Variants in NUP62 observed in about 807,000 individuals in gnomAD.
The protein encoded by NUP62 is nuclear pore glycoprotein p62.
For missense variants in NUP62, 647 were observed against 689.4 expected, an observed-to-expected ratio of 0.94 and a Z score of 0.69; for synonymous variants, 305 against 303.4, an observed-to-expected ratio of 1.01 and a Z score of -0.05.
rs1286386360 is a variant in NUP62, at chr19:49,929,383, C to T, written c.-257G>A. 6.5e-6 allele frequency: 1 copy of T among 154,184 alleles called. No individual in the cohort carries two copies. Among genetic ancestry groups the T allele is most frequent in the African/African-American group, 2.4e-5 (1 of 41,498 alleles). The allele number at this position is 154,184 out of a possible 1,614,324, so 9.6% of individuals were successfully genotyped here. A position where few individuals can be genotyped will look rare whatever the true frequency, so the allele number is the denominator to read the frequency against. On this transcript the variant is annotated 5_prime_UTR_variant, in exon 1 of 3. Coordinates refer to ENST00000352066, the MANE Select transcript of NUP62 (RefSeq NM_016553.5). ...TTCAGCCGAGGCCGCCGCCGCCTCT[C>T]CTTGCTGCAGCCATGGAGTGAGTAA...
At position 49,921,790 on chromosome 19, in the gene NUP62, T is replaced by G. The variant is rs2075771365; in HGVS notation, c.-78+5904A>C. Among the ~76,000 whole-genome samples the G allele has an allele frequency of 6.6e-6, 1 of 152,164 alleles. No individual in the cohort carries two copies. Among genetic ancestry groups the G allele is most frequent in the African/African-American group, 2.4e-5 (1 of 41,428 alleles). ...CGACCATGACCATCCATCCTATGAG[T>G]GCTGGCTGGGCTCAAGCCCGGGTAC... On this transcript the variant is annotated intron_variant, in intron 2 of 2. Coordinates refer to ENST00000352066, the MANE Select transcript of NUP62 (RefSeq NM_016553.5). This position sits in a 1 kb window ranked among gnomAD's most constrained non-coding sequence, Gnocchi z 5.4.
chr19:49,907,599 T>A lies in NUP62; in HGVS notation c.*640A>T, dbSNP rs1292571966. 2.5e-6 allele frequency: 1 copy of A among 407,516 alleles called. No individual in the cohort carries two copies. Among genetic ancestry groups the A allele is most frequent in the Admixed American group, 3.2e-5 (1 of 30,838 alleles). 25.2% of individuals were successfully genotyped at this position (407,516 alleles called of 1,614,324 possible). ...TTGCCTAGGCTGGAGTGCAGTGGTG[T>A]GATCTTGGTTCACTGCAACACCTCC... On this transcript the variant is annotated 3_prime_UTR_variant, in exon 3 of 3. Coordinates refer to ENST00000352066, the MANE Select transcript of NUP62 (RefSeq NM_016553.5).
At position 49,908,149 on chromosome 19, in the gene NUP62, G is replaced by GT; in HGVS notation, c.*89dup. On this transcript the variant is annotated 3_prime_UTR_variant, in exon 3 of 3. Coordinates refer to ENST00000352066, the MANE Select transcript of NUP62 (RefSeq NM_016553.5). ...GTGAAAGAAAGAAACAAACAAACAA[G>GT]TATCTTGCCACAACCCCAAACTACA... 6.5e-7 allele frequency: 1 copy of GT among 1,546,162 alleles called. No homozygotes were observed. Among genetic ancestry groups the GT allele is most frequent in the Non-Finnish European group, 8.7e-7 (1 of 1,150,086 alleles).
At chr19:49,924,072 G>A (rs907525193) in intron 2 of NUP62, among the ~76,000 whole-genome samples, 1 of 152,218 alleles carries the variant, frequency 6.6e-6, no homozygotes, top group African/African-American at 2.4e-5. Flanking sequence ...GGAATCGATA[G>A]CGTCTGGCAA....
rs773485886 is a variant in NUP62, at chr19:49,909,706, G to C, written c.102C>G (p.Phe34Leu). The C allele has an allele frequency of 6.2e-7, 1 of 1,614,056 alleles. No individual in the cohort carries two copies. The highest frequency in any genetic ancestry group is 8.5e-7 in the Non-Finnish European group (1 of 1,180,050). ...TAAACCCTCCAGTGCCAGAGGTGGA[G>C]AAAGAAAACCCTGTAGCAGGTGTGG... The part of the protein sequence containing the change: ...ATTTPATGFS[F>L]STSGTGGFNF... Residue 34 changes from phenylalanine to leucine, a missense_variant, in exon 3 of 3, where the codon TTC becomes TTG. By Grantham distance (22) the Phe-to-Leu change is conservative (BLOSUM62 0). Coordinates refer to ENST00000352066, the MANE Select transcript of NUP62 (RefSeq NM_016553.5).
Position 49,909,057 on chromosome 19 carries a change from C to A in NUP62, c.751G>T (p.Ala251Ser). 1 of 1,612,946 alleles carries A rather than the reference C, an allele frequency of 6.2e-7. No homozygotes were observed. The highest frequency in any genetic ancestry group is 8.5e-7 in the Non-Finnish European group (1 of 1,180,026). Residue 251 changes from alanine to serine, a missense_variant, in exon 3 of 3, where the codon GCT becomes TCT. Physicochemically the swap from Ala to Ser is moderately conservative, Grantham distance 99. Transcript: ENST00000352066. ...TTTAAGCTGAAGCCCTGTGTCCCAG[C>A]AGTGGGGGCGCCCGCTGTGGTCACA... is the stretch of plus-strand genomic sequence containing the variant. Reference protein sequence around the residue: ...TPVTTAGAPTAGTQGFSLKAP... With the variant: ...TPVTTAGAPTSGTQGFSLKAP...
chr19:49,911,334 G>C (rs1054585290), intron 2 of NUP62: 1 of 152,312 alleles, frequency 6.6e-6, no homozygotes, highest in African/African-American at 2.4e-5. Flanking sequence ...GGCAGAAGCA[G>C]CTCTAAAAGC....
intron 2 of NUP62, chr19:49,913,185 C>T (rs1047441016): frequency 6.6e-6 from 1 of 152,476 alleles, no homozygotes; most frequent in African/African-American, 2.4e-5. Context: ...GAGGCCCACA[C>T]AGCAGACATG....
chr19:49,908,725 C>G lies in NUP62; in HGVS notation c.1083G>C (p.Trp361Cys), dbSNP rs1204769078. The G allele has an allele frequency of 6.2e-7, 1 of 1,613,212 alleles. No individual in the cohort carries two copies. Among genetic ancestry groups the G allele is most frequent in the African/African-American group, 1.3e-5 (1 of 75,050 alleles). The change falls in exon 3 of 3, where the codon TGG becomes TGC. Residue 361 changes from tryptophan (W) to cysteine (C), a missense_variant. Physicochemically the swap from Trp to Cys is radical, Grantham distance 215. Transcript: ENST00000352066. Reference protein sequence around the residue: ...FLQQATQVNAWDRTLIENGEK... With the variant: ...FLQQATQVNACDRTLIENGEK... ...CTCCATTCTCGATCAGCGTGCGGTCCCAGGCGTTGACCTGGGTGGCCTGCT... is the reference window on the plus strand; with the variant it reads ...CTCCATTCTCGATCAGCGTGCGGTCGCAGGCGTTGACCTGGGTGGCCTGCT...
intron 2 of NUP62, among the ~76,000 whole-genome samples, chr19:49,923,969 G>A (rs990709430): frequency 3.9e-5 from 6 of 152,274 alleles, no homozygotes; most frequent in African/African-American, 1.4e-4. Context: ...AAAACTCGGA[G>A]CCTTTTCCAT....
chr19:49,916,326 A>G (rs1310325058), intron 2 of NUP62, among the ~76,000 whole-genome samples: 1 of 149,540 alleles, frequency 6.7e-6, no homozygotes, highest in Non-Finnish European at 1.5e-5. Context: ...GTTCGAGACT[A>G]GCCTGGCCAA....
intron 2 of NUP62, among the ~76,000 whole-genome samples, chr19:49,925,895 T>G (rs1374756899): frequency 6.6e-6 from 1 of 152,092 alleles, no homozygotes; most frequent in Admixed American, 6.6e-5. Flanking sequence ...CTACAATTAT[T>G]CCAAAATAAA....
chr19:49,926,073 A>G (rs2075879240), intron 2 of NUP62, among the ~76,000 whole-genome samples: 1 of 151,606 alleles, frequency 6.6e-6, no homozygotes, highest in Non-Finnish European at 1.5e-5. Flanking sequence ...GCCAGGCATG[A>G]TGGTGCATGT....
Position 49,907,592 on chromosome 19 carries a change from A to C in NUP62, c.*647T>G, listed in dbSNP as rs771534605. On this transcript the variant is annotated 3_prime_UTR_variant, in exon 3 of 3. Coordinates refer to ENST00000352066, the MANE Select transcript of NUP62 (RefSeq NM_016553.5). Reference sequence around the variant, plus strand: ...GTCTCTGTTGCCTAGGCTGGAGTGCAGTGGTGTGATCTTGGTTCACTGCAA... The same window carrying C: ...GTCTCTGTTGCCTAGGCTGGAGTGCCGTGGTGTGATCTTGGTTCACTGCAA... The C allele has an allele frequency of 2.5e-6, 1 of 401,122 alleles. No individual in the cohort carries two copies. 24.8% of individuals were successfully genotyped at this position (401,122 alleles called of 1,614,324 possible). A position where few individuals can be genotyped will look rare whatever the true frequency, so the allele number is the denominator to read the frequency against.
rs763089401 is a variant in NUP62 at position 49,909,612 on chromosome 19, T to G, written c.196A>C (p.Thr66Pro). The change falls in exon 3 of 3, where the codon ACT becomes CCT. Residue 66 changes from threonine (T) to proline (P), a missense_variant. Thr to Pro is a conservative substitution (Grantham distance 38). Transcript: ENST00000352066. ...STGLFSLATQ[T>P]PATQTTGFTF... Reference sequence around the variant, plus strand: ...AAGCCTGTCGTCTGTGTGGCCGGAGTCTGGGTGGCAAGTGAGAACAGGCCG... The same window carrying G: ...AAGCCTGTCGTCTGTGTGGCCGGAGGCTGGGTGGCAAGTGAGAACAGGCCG... The G allele has an allele frequency of 6.2e-7, 1 of 1,612,934 alleles. No individual in the cohort carries two copies. The highest frequency in any genetic ancestry group is 1.1e-5 in the South Asian group (1 of 91,036).
Position 49,908,547 on chromosome 19 carries a change from T to C in NUP62, c.1261A>G (p.Ile421Val), listed in dbSNP as rs777922064. The C allele has an allele frequency of 6.2e-7, 1 of 1,614,170 alleles. No individual in the cohort carries two copies. The highest frequency in any genetic ancestry group is 2.2e-5 in the East Asian group (1 of 44,890). ...EELVKEQSGT[I>V]YLQHADEERE... ...TCCTCATCCGCGTGCTGCAGGTAGA[T>C]GGTCCCGCTCTGCTCCTTGACCAAC... Residue 421 changes from isoleucine (I) to valine (V), a missense_variant, in exon 3 of 3, where the codon ATC becomes GTC. Coordinates refer to ENST00000352066, the MANE Select transcript of NUP62 (RefSeq NM_016553.5).
intron 2 of NUP62, among the ~76,000 whole-genome samples, chr19:49,916,354 ATT>A (rs1182733064): frequency 1.4e-4 from 19 of 131,934 alleles, no homozygotes; most frequent in Admixed American, 2.3e-4. Flanking sequence ...TATCTTTTGT[ATT>A]TTTTTTTTTT....
chr19:49,926,395 T>C (rs550725228), intron 2 of NUP62, among the ~76,000 whole-genome samples: 3 of 151,802 alleles, frequency 2.0e-5, no homozygotes, highest in Non-Finnish European at 4.4e-5. Flanking sequence ...CCAGGCGTGG[T>C]GGTGGGCGCC....
At chr19:49,916,891 A>G (rs2075638538) in intron 2 of NUP62, among the ~76,000 whole-genome samples, 1 of 152,238 alleles carries the variant, frequency 6.6e-6, no homozygotes, top group Admixed American at 6.5e-5. Flanking sequence ...ACCATACTTC[A>G]GCCTGGGCGG....
Sources: gnomAD v4.1 joint callset for allele counts (sites outside exome capture counted in the v4.1 genomes callset) on GRCh38, gnomAD v4.1.1 for gene constraint, Gnocchi (gnomAD v3.1) non-coding constraint, MANE v1.5 for transcripts, NCBI Gene and HGNC (gene_info 2026-07-23, HGNC 2026-07-21) for gene names.